The following F11R variants were observed in gnomAD, a reference collection of about 807,000 sequenced individuals.
The protein encoded by F11R is F11 receptor.
Under a neutral mutation model 39.3 loss-of-function variants are expected in F11R, and 27 were observed. The observed-to-expected ratio is 0.69, with a 90% CI of 0.51 to 0.95. The LOEUF (loss-of-function observed/expected upper bound fraction) is 0.95, where lower values mean the gene tolerates loss of function less well. Ranked by LOEUF, F11R falls within the 40% of genes least tolerant of loss-of-function variation. The pLI is 0.00. For missense variants in F11R, 335 were observed against 372.7 expected (o/e 0.90, Z 0.83); for synonymous variants, 131 against 144.9 (o/e 0.90, Z 0.69).
intron 1 of F11R, among the ~76,000 whole-genome samples, chr1:161,017,129 C>CGGAA (rs1649508955): frequency 1.3e-5 from 2 of 152,128 alleles, no homozygotes; most frequent in South Asian, 4.2e-4. Context: ...AAAAACACTG[C>CGGAA]GGAAGGCCGC....
rs57404799 is a variant in F11R, at chr1:161,019,546, G to C, written c.64+1464C>G. 5.5e-4 allele frequency among the ~76,000 whole-genome samples: 79 copies of C among 144,830 alleles called. 1 individual carries two copies. In the East Asian group the frequency reaches 0.015, roughly 28 times the overall value. ...GAAGGCGGAGGTTGCGGTGGGCCAA[G>C]ATGGCACCATTGCACTCGAGCCTGG... On this transcript the variant is annotated intron_variant, in intron 1 of 9. Transcript: ENST00000368026.
intron 1 of F11R, among the ~76,000 whole-genome samples, chr1:161,010,173 T>C (rs1381257801): frequency 1.3e-5 from 2 of 151,640 alleles, no homozygotes; most frequent in African/African-American, 2.4e-5. Flanking sequence ...AGGCCAGGCA[T>C]AGTGGCTCAC....
chr1:161,001,395 G>C (rs757967863), intron 1 of F11R, 42 bp from the exon 2 acceptor site: 13 of 1,565,194 alleles, frequency 8.3e-6, no homozygotes, highest in Middle Eastern at 1.7e-4. Flanking sequence ...GGAGTGGACA[G>C]AGAAATGCCA....
intron 1 of F11R, among the ~76,000 whole-genome samples, chr1:161,003,350 C>T (rs1041238542): frequency 2.6e-5 from 4 of 151,510 alleles, no homozygotes; most frequent in Non-Finnish European, 4.4e-5. Context: ...CTCGAACTCC[C>T]GACTTCAGGT....
At chr1:161,003,123 ATTT>A (rs755371627) in intron 1 of F11R, among the ~76,000 whole-genome samples, 1 of 105,554 alleles carries the variant, frequency 9.5e-6, no homozygotes. Flanking sequence ...TAATTTTTGT[ATTT>A]TTTTTTTTTT....
At chr1:161,008,883 A>C (rs572565497) in intron 1 of F11R, among the ~76,000 whole-genome samples, 1 of 152,260 alleles carries the variant, frequency 6.6e-6, no homozygotes, top group East Asian at 1.9e-4. Flanking sequence ...ATTTTTCTGC[A>C]AGCTAAGAAA....
At chr1:161,014,310 G>A (rs774775106) in intron 1 of F11R, among the ~76,000 whole-genome samples, 9 of 152,178 alleles carry the variant, frequency 5.9e-5, no homozygotes, top group African/African-American at 1.2e-4. Context: ...TGGTGGAAAC[G>A]TGTGTTGCCC....
rs1448687660 is a variant in F11R at position 160,997,397 on chromosome 1, AGTAAGTACCTTCTCTCACTTG to A, written c.*1453_*1473del. On this transcript the variant is annotated 3_prime_UTR_variant, in exon 10 of 10. Coordinates refer to ENST00000368026, the MANE Select transcript of F11R (RefSeq NM_016946.6). ...CACCTGGCTGAACAGGAGGTACAAG[AGTAAGTACCTTCTCTCACTTG>A]GTGGAACAGGCCAAGGAGATCCCCC... 7 of 152,384 alleles carry A rather than the reference AGTAAGTACCTTCTCTCACTTG, an allele frequency of 4.6e-5. No homozygotes were observed. The highest frequency in any genetic ancestry group is 4.6e-4 in the Admixed American group (7 of 15,286). The allele number at this position is 152,384 out of a possible 1,614,324, so 9.4% of individuals were successfully genotyped here.
Position 161,006,643 on chromosome 1 carries a change from G to A in F11R, c.65-5290C>T, listed in dbSNP as rs769292933. ...TTTTGTTTCAAATACACGAACCTCC[G>A]CCTTAGTGTCCTCCCACCCACCTCT... On this transcript the variant is annotated intron_variant, in intron 1 of 9. Transcript: ENST00000368026. 5.3e-5 allele frequency among the ~76,000 whole-genome samples: 8 copies of A among 152,210 alleles called. No individual in the cohort carries two copies. The East Asian group carries it at 7.7e-4, about 15-fold the overall frequency.
At chr1:161,016,921 A>G (rs1649493228) in intron 1 of F11R, among the ~76,000 whole-genome samples, 1 of 152,252 alleles carries the variant, frequency 6.6e-6, no homozygotes, top group Non-Finnish European at 1.5e-5. Context: ...TTCTGTACTA[A>G]GAAAAATTCT....
At chr1:161,008,034 C>G (rs6701822) in intron 1 of F11R, among the ~76,000 whole-genome samples, 42,690 of 152,072 alleles carry the variant, frequency 0.28, 8,230 homozygotes, top group African/African-American at 0.53. Flanking sequence ...ATACTGTACA[C>G]ACACATGCAA....
rs1557889682 is a variant in F11R at position 161,000,703 on chromosome 1, TC to T, written c.315del (p.Thr106HisfsTer46). On this transcript the variant is annotated frameshift_variant, in exon 4 of 10. Transcript: ENST00000368026. LOFTEE classifies it high-confidence loss of function. ...TFKSVTREDT[G>X]TYTCMVSEEG... ...TCCTCAGAGACCATACAAGTGTATG[TC>T]CCAGTGTCTTCCCGTGTCACGGACT... 1 of 1,614,116 alleles carries T rather than the reference TC, an allele frequency of 6.2e-7. No homozygotes were observed. Among genetic ancestry groups the T allele is most frequent in the Non-Finnish European group, 8.5e-7 (1 of 1,180,010 alleles).
At position 161,016,433 on chromosome 1, in the gene F11R, G is replaced by A. The variant is rs1571023008; in HGVS notation, c.64+4577C>T. ...GGAGTTTGCAGTGAGCCGAGATCGT[G>A]CCACTGTACTCCAGCCTGGCGACAG... On this transcript the variant is annotated intron_variant, in intron 1 of 9. Coordinates refer to ENST00000368026, the MANE Select transcript of F11R (RefSeq NM_016946.6). Among the ~76,000 whole-genome samples, 3 of 151,922 alleles carry A rather than the reference G, an allele frequency of 2.0e-5. No homozygotes were observed. The South Asian group carries it at 6.2e-4, about 32-fold the overall frequency.
chr1:161,001,325 C>A lies in F11R; in HGVS notation c.93G>T (p.Val31=). ...TTCTGACTTCAGGTTCAGAAGAGTGCACTGTAACACTGCCCAATGCCAGGG... is the reference window on the plus strand; with the variant it reads ...TTCTGACTTCAGGTTCAGAAGAGTGAACTGTAACACTGCCCAATGCCAGGG... ...LCSLALGSVT[V]HSSEPEVRIP... Residue 31 remains valine, a synonymous_variant, in exon 2 of 10, where the codon GTG becomes GTT. Coordinates refer to ENST00000368026, the MANE Select transcript of F11R (RefSeq NM_016946.6). 1 of 1,614,058 alleles carries A rather than the reference C, an allele frequency of 6.2e-7. No individual in the cohort carries two copies. Among genetic ancestry groups the A allele is most frequent in the Non-Finnish European group, 8.5e-7 (1 of 1,179,990 alleles).
chr1:161,000,424 A>AC, intron 4 of F11R, 76 bp from the exon 5 acceptor site: 1 of 1,482,192 alleles, frequency 6.7e-7, no homozygotes, highest in Admixed American at 1.8e-5. Context: ...CTACAATGGT[A>AC]CCCCCAACTA....
intron 1 of F11R, among the ~76,000 whole-genome samples, chr1:161,004,787 T>C (rs1246925267): frequency 6.6e-6 from 1 of 152,002 alleles, no homozygotes; most frequent in Non-Finnish European, 1.5e-5. Context: ...AAAAAACTAA[T>C]AAAAATATTT....
intron 1 of F11R, among the ~76,000 whole-genome samples, chr1:161,003,123 A>T (rs2481078): frequency 0.01 from 1,059 of 105,162 alleles, 10 homozygotes; most frequent in African/African-American, 0.028. Context: ...TAATTTTTGT[A>T]TTTTTTTTTT....
intron 1 of F11R, among the ~76,000 whole-genome samples, chr1:161,016,965 C>T (rs1271402185): frequency 6.6e-6 from 1 of 152,128 alleles, no homozygotes; most frequent in Non-Finnish European, 1.5e-5. Context: ...TATGGCCTTA[C>T]CCCCAACCCC....
chr1:161,008,785 C>T (rs1380782287), intron 1 of F11R, among the ~76,000 whole-genome samples: 1 of 152,208 alleles, frequency 6.6e-6, no homozygotes, highest in Non-Finnish European at 1.5e-5. Context: ...CAATGCTACA[C>T]TATACTATAC....
Sources: gnomAD v4.1 joint callset for allele counts (sites outside exome capture counted in the v4.1 genomes callset) on GRCh38, gnomAD v4.1.1 for gene constraint, MANE v1.5 for transcripts, NCBI Gene and HGNC (gene_info 2026-07-23, HGNC 2026-07-21) for gene names.